Variants in ARSJ observed in about 807,000 individuals in gnomAD.
The protein encoded by ARSJ is arylsulfatase family member J, also known as arylsulfatase J.
ARSJ carries 26 observed loss-of-function variants against 35.9 expected under a neutral mutation model. The observed-to-expected ratio is 0.72, with a 90% CI of 0.53 to 1.00. The LOEUF (loss-of-function observed/expected upper bound fraction) is 1.00. Ranked by LOEUF, ARSJ falls within the 50% of genes least tolerant of loss-of-function variation. The probability of loss-of-function intolerance (pLI) is 0.00; values close to 1 mark genes in which losing one functional copy is unlikely to be tolerated. For synonymous variants in ARSJ, 294 were observed against 267.6 expected, an observed-to-expected ratio of 1.10 and a Z score of -0.96; for missense variants, 667 against 723.6, an observed-to-expected ratio of 0.92 and a Z score of 0.90.
chr4:113,956,104 C>T (rs1378886416), intron 1 of ARSJ, among the ~76,000 whole-genome samples: 1 of 152,032 alleles, frequency 6.6e-6, no homozygotes, highest in East Asian at 1.9e-4. Flanking sequence ...CATGCACCAC[C>T]ATGCCTGGCT....
intron 1 of ARSJ, among the ~76,000 whole-genome samples, chr4:113,917,468 A>G (rs887727462): frequency 6.6e-6 from 1 of 152,228 alleles, no homozygotes; most frequent in African/African-American, 2.4e-5. Context: ...GTAAAAGTGC[A>G]AGGATTAGCT....
rs1562326780 is a variant in ARSJ at position 113,902,468 on chromosome 4, GA to G, written c.1605del (p.Asp539ThrfsTer70). 2 of 1,614,074 alleles carry G rather than the reference GA, an allele frequency of 1.2e-6. No homozygotes were observed. The highest frequency in any genetic ancestry group is 1.7e-6 in the Non-Finnish European group (2 of 1,180,006). ...QFNKTAVPVR[Y>X]PPKDPRSNPR... ...GGGTTACTTCTGGGGTCTTTGGGGG[GA>G]TACCTGACCGGCACTGCAGTTTTGT... is the stretch of plus-strand genomic sequence containing the variant. On this transcript the variant is annotated frameshift_variant, in exon 2 of 2. Coordinates refer to ENST00000315366, the MANE Select transcript of ARSJ (RefSeq NM_024590.4). LOFTEE classifies it low-confidence loss of function (END_TRUNC).
chr4:113,948,174 G>A (rs1725620681), intron 1 of ARSJ, among the ~76,000 whole-genome samples: 1 of 152,018 alleles, frequency 6.6e-6, no homozygotes, highest in Non-Finnish European at 1.5e-5. Context: ...GGGTGACAGA[G>A]CGAGATTCTG....
chr4:113,903,234 T>A lies in ARSJ; in HGVS notation c.840A>T (p.Glu280Asp). ...TTATGTTGATAATGGATCGGTAGTG[T>A]TCGAAATACCTGCCAGGAGCTTGCA... is the stretch of plus-strand genomic sequence containing the variant. ...SPLQAPGRYF[E>D]HYRSIININR... The change falls in exon 2 of 2, where the codon GAA becomes GAT. Residue 280 changes from glutamate (E) to aspartate (D), a missense_variant. Coordinates refer to ENST00000315366, the MANE Select transcript of ARSJ (RefSeq NM_024590.4). 1 of 1,614,212 alleles carries A rather than the reference T, an allele frequency of 6.2e-7. No homozygotes were observed. The highest frequency in any genetic ancestry group is 8.5e-7 in the Non-Finnish European group (1 of 1,180,044).
Position 113,978,534 on chromosome 4 carries a change from GTGTT to G in ARSJ, c.297_300del (p.Lys99AsnfsTer46). 6.2e-7 allele frequency: 1 copy of G among 1,614,198 alleles called. No homozygotes were observed. Among genetic ancestry groups the G allele is most frequent in the Non-Finnish European group, 8.5e-7 (1 of 1,179,992 alleles). ...TCGGCAGCGAGCTTGTCAAGAGTAG[GTGTT>G]TTAATCTCAGATCCGTGGTAACCCA... On this transcript the variant is annotated frameshift_variant, in exon 1 of 2. Transcript: ENST00000315366. LOFTEE classifies it high-confidence loss of function.
In ARSJ at chr4:113,952,980, G is replaced by A. The variant is rs148565501; in HGVS notation, c.398+25457C>T. The stretch of plus-strand genomic sequence containing the variant: ...AAATTATATCAATTCAGCAATAATC[G>A]TTACAATTTATTGACTGTCTACTAT... On this transcript the variant is annotated intron_variant, in intron 1 of 1. Coordinates refer to ENST00000315366, the MANE Select transcript of ARSJ (RefSeq NM_024590.4). 3.1e-3 allele frequency among the ~76,000 whole-genome samples: 469 copies of A among 152,116 alleles called. 2 individuals carry two copies. Among genetic ancestry groups the A allele is most frequent in the Non-Finnish European group, 5.3e-3 (363 of 67,988 alleles).
Position 113,902,468 on chromosome 4 carries a change from G to A in ARSJ, c.1606C>T (p.Pro536Ser). Residue 536 changes from proline (P) to serine (S), a missense_variant, in exon 2 of 2, where the codon CCC (proline) becomes TCC (serine). Transcript: ENST00000315366. ...FNKTAVPVRY[P>S]PKDPRSNPRL... ...GGGTTACTTCTGGGGTCTTTGGGGGGATACCTGACCGGCACTGCAGTTTTG... is the reference window on the plus strand; with the variant it reads ...GGGTTACTTCTGGGGTCTTTGGGGGAATACCTGACCGGCACTGCAGTTTTG... 6.2e-7 allele frequency: 1 copy of A among 1,614,074 alleles called. No homozygotes were observed. Among genetic ancestry groups the A allele is most frequent in the Non-Finnish European group, 8.5e-7 (1 of 1,180,006 alleles).
At chr4:113,916,854 C>A (rs570518564) in intron 1 of ARSJ, among the ~76,000 whole-genome samples, 1 of 152,228 alleles carries the variant, frequency 6.6e-6, no homozygotes, top group East Asian at 1.9e-4. Context: ...TGTTACCTTG[C>A]CAATTAACTT....
Position 113,902,292 on chromosome 4 carries a change from T to A in ARSJ, c.1782A>T (p.Ser594=). Reference sequence around the variant, plus strand: ...TTTGTGCTTATCCACAAGTAACACCTGAATGGCAAGTTGAACCTGAGACTG... The same window carrying A: ...TTTGTGCTTATCCACAAGTAACACCAGAATGGCAAGTTGAACCTGAGACTG... ...QKAVSGSTCH[S]GVTCG is the part of the protein sequence containing the mutation. Residue 594 remains serine (S), a synonymous_variant, in exon 2 of 2, where the codon TCA becomes TCT. Coordinates refer to ENST00000315366, the MANE Select transcript of ARSJ (RefSeq NM_024590.4). The A allele has an allele frequency of 6.2e-7, 1 of 1,611,490 alleles. No homozygotes were observed. The highest frequency in any genetic ancestry group is 8.5e-7 in the Non-Finnish European group (1 of 1,180,008).
intron 1 of ARSJ, among the ~76,000 whole-genome samples, chr4:113,915,834 A>G (rs1362326962): frequency 2.6e-5 from 4 of 152,318 alleles, no homozygotes; most frequent in African/African-American, 7.2e-5. Flanking sequence ...CACTCTTTCT[A>G]CAACAATAGA....
At chr4:113,962,336 T>G (rs1214420041) in intron 1 of ARSJ, among the ~76,000 whole-genome samples, 1 of 151,982 alleles carries the variant, frequency 6.6e-6, no homozygotes, top group Non-Finnish European at 1.5e-5. Context: ...AATCTATAAC[T>G]GCAATCCTTC....
At chr4:113,913,049 T>C (rs1267748151) in intron 1 of ARSJ, among the ~76,000 whole-genome samples, 3 of 152,114 alleles carry the variant, frequency 2.0e-5, no homozygotes, top group African/African-American at 7.2e-5. Context: ...CAGGGACATC[T>C]ACTCAGGAGA....
intron 1 of ARSJ, among the ~76,000 whole-genome samples, chr4:113,959,458 A>G (rs1726403338): frequency 6.6e-6 from 1 of 152,088 alleles, no homozygotes. Context: ...TTAGGGACAT[A>G]TATAAACCTG....
Position 113,900,494 on chromosome 4 carries a change from CTG to C in ARSJ, c.*1778_*1779del, listed in dbSNP as rs1015932506. On this transcript the variant is annotated 3_prime_UTR_variant, in exon 2 of 2. Coordinates refer to ENST00000315366, the MANE Select transcript of ARSJ (RefSeq NM_024590.4). ...AGATTCTTTTATACATTTTCAGAAACTGTGAGCTGTGATATAAATGGATTATA... is the reference window on the plus strand; with the variant it reads ...AGATTCTTTTATACATTTTCAGAAACTGAGCTGTGATATAAATGGATTATA... 1.3e-5 allele frequency: 2 copies of C among 152,050 alleles called. No individual in the cohort carries two copies. Among genetic ancestry groups the C allele is most frequent in the African/African-American group, 2.4e-5 (1 of 41,400 alleles). 9.4% of individuals were successfully genotyped at this position (152,050 alleles called of 1,614,324 possible). A position where few individuals can be genotyped will look rare whatever the true frequency, so the allele number is the denominator to read the frequency against.
chr4:113,911,671 A>C (rs1020374534), intron 1 of ARSJ, among the ~76,000 whole-genome samples: 1 of 152,188 alleles, frequency 6.6e-6, no homozygotes, highest in Admixed American at 6.6e-5. Flanking sequence ...GCATTGAGTT[A>C]AGAAATCCAG....
Position 113,970,088 on chromosome 4 carries a change from T to C in ARSJ, c.398+8349A>G, listed in dbSNP as rs1727148380. ...ATTTTAGGTGAGTTTTAATGAGTGG[T>C]TGGCATTTGGGCAAAGAGAGATAGG... On this transcript the variant is annotated intron_variant, in intron 1 of 1. Coordinates refer to ENST00000315366, the MANE Select transcript of ARSJ (RefSeq NM_024590.4). Among the ~76,000 whole-genome samples the C allele has an allele frequency of 2.0e-5, 3 of 152,124 alleles. No individual in the cohort carries two copies. In the South Asian group the frequency reaches 6.2e-4, roughly 32 times the overall value.
At chr4:113,906,486 T>A (rs2099668786) in intron 1 of ARSJ, among the ~76,000 whole-genome samples, 1 of 152,198 alleles carries the variant, frequency 6.6e-6, no homozygotes, top group Non-Finnish European at 1.5e-5. Context: ...AGTAGAATGG[T>A]TTTTAAATTG....
intron 1 of ARSJ, among the ~76,000 whole-genome samples, chr4:113,947,491 A>C (rs1725563776): frequency 7.0e-6 from 1 of 142,752 alleles, no homozygotes; most frequent in Admixed American, 6.9e-5. Flanking sequence ...AAAGAAAGAA[A>C]GAGGAAAGAA....
chr4:113,960,261 T>C (rs1726461492), intron 1 of ARSJ, among the ~76,000 whole-genome samples: 1 of 152,128 alleles, frequency 6.6e-6, no homozygotes, highest in African/African-American at 2.4e-5. Flanking sequence ...CTGGTATGCC[T>C]AACTACAGCT....
Sources: gnomAD v4.1 joint callset for allele counts (sites outside exome capture counted in the v4.1 genomes callset) on GRCh38, gnomAD v4.1.1 for gene constraint, MANE v1.5 for transcripts, NCBI Gene and HGNC (gene_info 2026-07-23, HGNC 2026-07-21) for gene names.